Variants in LTBP2 observed in about 807,000 individuals in gnomAD.
LTBP2 encodes the protein latent-transforming growth factor beta-binding protein 2.
A neutral mutation model predicts 210.6 loss-of-function variants in LTBP2; 103 were observed. The ratio of observed to expected loss-of-function variants is 0.49; its 90% CI spans 0.42 to 0.58. The LOEUF is 0.58. Among genes scored for constraint, LTBP2 ranks in the 20% least tolerant of loss-of-function variants. The pLI is 0.00. For synonymous variants in LTBP2, 1,007 were observed against 1,015.0 expected (o/e 0.99, Z 0.15); for missense variants, 2,313 against 2,494.5 (o/e 0.93, Z 1.55).
chr14:74,574,010 G>T (rs1289254125), intron 3 of LTBP2, among the ~76,000 whole-genome samples: 1 of 152,164 alleles, frequency 6.6e-6, no homozygotes, highest in African/African-American at 2.4e-5. Flanking sequence ...GTGCCGAGCT[G>T]TCCCCAGTAT....
chr14:74,575,841 G>A (rs1161779970), intron 3 of LTBP2, among the ~76,000 whole-genome samples: 3 of 152,228 alleles, frequency 2.0e-5, no homozygotes, highest in African/African-American at 2.4e-5. Context: ...TCAGACTTGG[G>A]AAAATAAAAT....
intron 3 of LTBP2, among the ~76,000 whole-genome samples, chr14:74,585,028 A>G (rs1284102063): frequency 5.3e-5 from 8 of 152,192 alleles, no homozygotes; most frequent in Admixed American, 1.3e-4. Context: ...CAGAAAGCGA[A>G]TGGAAAAACT....
intron 3 of LTBP2, among the ~76,000 whole-genome samples, chr14:74,565,087 C>A (rs1344816551): frequency 6.6e-6 from 1 of 152,112 alleles, no homozygotes; most frequent in African/African-American, 2.4e-5. Flanking sequence ...CAGGAAATGA[C>A]CCGGTCCGAA....
intron 17 of LTBP2, among the ~76,000 whole-genome samples, chr14:74,517,603 C>T (rs565991666): frequency 5.5e-4 from 84 of 151,952 alleles, no homozygotes; most frequent in African/African-American, 2.0e-3. Flanking sequence ...GAACTCCTGA[C>T]CTCAAGTGAT....
chr14:74,608,569 G>C (rs1266780531), intron 1 of LTBP2, among the ~76,000 whole-genome samples: 1 of 151,892 alleles, frequency 6.6e-6, no homozygotes, highest in Non-Finnish European at 1.5e-5. Flanking sequence ...AATTAGCCGG[G>C]TGTGGTGACG....
At position 74,529,924 on chromosome 14, in the gene LTBP2, CAA is replaced by C. The variant is rs201298841; in HGVS notation, c.1988-804_1988-803del. ...AGAGTGGGCTGAAGAGGACATCAAT[CAA>C]AGTTTAGGAATGAATGATTCTGGGG... On this transcript the variant is annotated intron_variant, in intron 10 of 35. Coordinates refer to ENST00000261978, the MANE Select transcript of LTBP2 (RefSeq NM_000428.3). 5.7e-4 allele frequency among the ~76,000 whole-genome samples: 87 copies of C among 152,276 alleles called. 4 individuals carry two copies. In the East Asian group the frequency reaches 0.016, roughly 28 times the overall value.
At chr14:74,534,744 GGA>G (rs2087397058) in intron 9 of LTBP2, among the ~76,000 whole-genome samples, 1 of 152,156 alleles carries the variant, frequency 6.6e-6, no homozygotes, top group Admixed American at 6.5e-5. Flanking sequence ...AGAGAAGGAT[GGA>G]GAGAGAGGAG....
intron 3 of LTBP2, among the ~76,000 whole-genome samples, chr14:74,564,429 C>G (rs1458911391): frequency 7.9e-6 from 1 of 126,934 alleles, no homozygotes; most frequent in East Asian, 2.1e-4. Flanking sequence ...GAGTCTCACT[C>G]TGTTGCCCAG....
intron 1 of LTBP2, among the ~76,000 whole-genome samples, chr14:74,609,210 G>A (rs2088571498): frequency 6.6e-6 from 1 of 152,166 alleles, no homozygotes; most frequent in Non-Finnish European, 1.5e-5. Context: ...CAGCTGACAT[G>A]GAGTGGCTGA....
At chr14:74,526,169 G>A (rs1349516027) in intron 13 of LTBP2, 55 bp from the exon 14 acceptor site, 4 of 1,541,996 alleles carry the variant, frequency 2.6e-6, no homozygotes, top group Non-Finnish European at 3.5e-6. Context: ...CCTGTGATGT[G>A]CCACCTTCCA....
Position 74,611,612 on chromosome 14 carries a change from C to A in LTBP2, c.333G>T (p.Gln111His). ...GCGCAGGTGGCTGGACACGCCGCGA[C>A]TGCTGCGCGCGGGACGGCCTCCTGG... is the stretch of plus-strand genomic sequence containing the variant. ...AEARRPSRAQ[Q>H]SRRVQPPAQT... Residue 111 changes from glutamine (Q) to histidine (H), a missense_variant, in exon 1 of 36, where the codon CAG becomes CAT. Physicochemically the swap from Gln to His is conservative, Grantham distance 24. Transcript: ENST00000261978. The A allele has an allele frequency of 6.4e-7, 1 of 1,563,970 alleles. No individual in the cohort carries two copies. The highest frequency in any genetic ancestry group is 8.6e-7 in the Non-Finnish European group (1 of 1,160,884).
intron 3 of LTBP2, among the ~76,000 whole-genome samples, chr14:74,576,161 G>A (rs989204929): frequency 6.6e-6 from 1 of 152,236 alleles, no homozygotes; most frequent in Non-Finnish European, 1.5e-5. Context: ...AGCACCACCT[G>A]TTGGGAGGGC....
rs781700840 is a variant in LTBP2 at position 74,603,749 on chromosome 14, C to G, written c.495-44G>C. 4 of 1,547,874 alleles carry G rather than the reference C, an allele frequency of 2.6e-6. No homozygotes were observed. In the Admixed American group the frequency reaches 5.0e-5, roughly 19 times the overall value. On this transcript the variant is annotated intron_variant, in intron 1 of 35. Transcript: ENST00000261978. ...AGAGTCAACACAAGGATGCTCAGAG[C>G]TGGGGACTATTCACAGCCCCTCCGA...
intron 2 of LTBP2, among the ~76,000 whole-genome samples, chr14:74,588,473 G>T (rs182838847): frequency 6.6e-6 from 1 of 151,990 alleles, no homozygotes; most frequent in Non-Finnish European, 1.5e-5. Context: ...CGCCCACCTC[G>T]GCCTCCCAAA....
In LTBP2 at chr14:74,528,432, G is replaced by A. The variant is rs774995603; in HGVS notation, c.2368+51C>T. The A allele has an allele frequency of 1.2e-6, 2 of 1,600,510 alleles. 1 individual carries two copies. Among genetic ancestry groups the A allele is most frequent in the South Asian group, 2.2e-5 (2 of 90,804 alleles). ...ACACCCACACTTCTCTGAGGTGCTG[G>A]AAACTTAGGGGAAAGGAAAATCCCT... On this transcript the variant is annotated intron_variant, in intron 12 of 35. Transcript: ENST00000261978.
intron 17 of LTBP2, among the ~76,000 whole-genome samples, chr14:74,519,871 C>T (rs2087180136): frequency 1.3e-5 from 2 of 152,212 alleles, no homozygotes; most frequent in Non-Finnish European, 2.9e-5. Context: ...GCCTCTGGCC[C>T]ACAACACCCA....
In LTBP2 at chr14:74,538,659, C is replaced by G. The variant is rs375621050; in HGVS notation, c.1790-2659G>C. ...CCCTGAGGACACACTGTGTGCCAAG[C>G]ATGACATGTGACAGCCTGACATAGG... On this transcript the variant is annotated intron_variant, in intron 8 of 35. Coordinates refer to ENST00000261978, the MANE Select transcript of LTBP2 (RefSeq NM_000428.3). Among the ~76,000 whole-genome samples the G allele has an allele frequency of 1.1e-4, 17 of 152,350 alleles. No homozygotes were observed. The East Asian group carries it at 2.7e-3, about 24-fold the overall frequency.
chr14:74,505,123 C>G lies in LTBP2; in HGVS notation c.4229G>C (p.Arg1410Pro). 2 of 1,613,742 alleles carry G rather than the reference C, an allele frequency of 1.2e-6. No individual in the cohort carries two copies. The highest frequency in any genetic ancestry group is 1.7e-6 in the Non-Finnish European group (2 of 1,180,004). ...CTTCTGCCCGGAGTAGCAGTCCATG[C>G]GGGTGGGGGCCGGGGCATGGTCCCC... is the stretch of plus-strand genomic sequence containing the variant. ...PTGDHAPAPTRMDCYSGQKGH... is the reference protein window; with the variant it reads ...PTGDHAPAPTPMDCYSGQKGH... Residue 1410 changes from arginine to proline, a missense_variant, in exon 29 of 36, where the codon CGC becomes CCC. This residue lies in a region of LTBP2 where 1,867 missense variants were observed against 1,976.9 expected (regional missense o/e 0.94). Transcript: ENST00000261978.
In LTBP2 at chr14:74,498,744, A is replaced by G; in HGVS notation, c.*2140T>C. 2 of 231,976 alleles carry G rather than the reference A, an allele frequency of 8.6e-6. No individual in the cohort carries two copies. Among genetic ancestry groups the G allele is most frequent in the Non-Finnish European group, 8.5e-6 (1 of 117,234 alleles). 14.4% of individuals were successfully genotyped at this position (231,976 alleles called of 1,614,324 possible). A position where few individuals can be genotyped will look rare whatever the true frequency, so the allele number is the denominator to read the frequency against. On this transcript the variant is annotated 3_prime_UTR_variant, in exon 36 of 36. Coordinates refer to ENST00000261978, the MANE Select transcript of LTBP2 (RefSeq NM_000428.3). The stretch of plus-strand genomic sequence containing the variant: ...TCTCCGATGGTGAGGTATAAGGCGG[A>G]GTGGCAAGGATGAGGTGAACAGACA...
Sources: gnomAD v4.1 joint callset for allele counts (sites outside exome capture counted in the v4.1 genomes callset) on GRCh38, gnomAD v4.1.1 for gene constraint, gnomAD v4.1.1 regional missense constraint, MANE v1.5 for transcripts, NCBI Gene and HGNC (gene_info 2026-07-23, HGNC 2026-07-21) for gene names.